The following GRID1 variants were observed in gnomAD, a reference collection of about 807,000 sequenced individuals.
GRID1 encodes glutamate ionotropic receptor delta type subunit 1, also known as glutamate receptor ionotropic, delta-1.
GRID1 carries 28 observed loss-of-function variants against 98.0 expected under a neutral mutation model. The observed-to-expected ratio is 0.29, with a 90% CI of 0.21 to 0.39. The LOEUF is 0.39. Among genes scored for constraint, GRID1 ranks in the 10% least tolerant of loss-of-function variants. The probability of loss-of-function intolerance (pLI) is 1.00; values close to 1 mark genes in which losing one functional copy is unlikely to be tolerated. For missense variants in GRID1, 1,111 were observed against 1,340.5 expected (o/e 0.83, Z 2.67); for synonymous variants, 553 against 538.5 (o/e 1.03, Z -0.37).
intron 4 of GRID1, among the ~76,000 whole-genome samples, chr10:86,110,484 G>A (rs1198461125): frequency 1.3e-5 from 2 of 152,184 alleles, no homozygotes; most frequent in Non-Finnish European, 2.9e-5. Context: ...TATTGAGAAG[G>A]AGGGCACCAT....
chr10:86,326,548 C>T (rs1848053488), intron 2 of GRID1, among the ~76,000 whole-genome samples: 1 of 152,178 alleles, frequency 6.6e-6, no homozygotes, highest in Non-Finnish European at 1.5e-5. Context: ...CTCAAATCGT[C>T]CATAAGACCA....
Position 86,087,514 on chromosome 10 carries a change from G to GTA in GRID1, c.726+51304_726+51305insTA, listed in dbSNP as rs1195820671. Among the ~76,000 whole-genome samples the GTA allele has an allele frequency of 2.2e-4, 33 of 150,414 alleles. 1 individual carries two copies. Among genetic ancestry groups the GTA allele is most frequent in the African/African-American group, 5.8e-4 (24 of 41,164 alleles). ...GATCCAAGTGTGTGTGTGTGTCTGT[G>GTA]TGTGTGTGTGTGTGTGTGTGTGTTT... On this transcript the variant is annotated intron_variant, in intron 4 of 15. Coordinates refer to ENST00000327946, the MANE Select transcript of GRID1 (RefSeq NM_017551.3).
intron 2 of GRID1, among the ~76,000 whole-genome samples, chr10:86,208,797 C>T (rs911372793): frequency 2.0e-5 from 3 of 152,280 alleles, no homozygotes; most frequent in South Asian, 2.1e-4. Context: ...AGTAAAGACT[C>T]GTGCAAGAAC....
At chr10:85,644,097 T>C (rs2132548885) in intron 13 of GRID1, 1 of 152,330 alleles carries the variant, frequency 6.6e-6, no homozygotes, top group East Asian at 1.9e-4. Context: ...AGCAGGCACA[T>C]GTCGCCTGCA....
chr10:86,225,874 G>T (rs1846333933), intron 2 of GRID1, among the ~76,000 whole-genome samples: 2 of 152,264 alleles, frequency 1.3e-5, no homozygotes, highest in Non-Finnish European at 2.9e-5. Flanking sequence ...TGTTATTACA[G>T]CAACCATGAC....
intron 8 of GRID1, among the ~76,000 whole-genome samples, chr10:85,803,772 AC>A (rs1842597841): frequency 6.6e-6 from 1 of 152,068 alleles, no homozygotes; most frequent in South Asian, 2.1e-4. Context: ...AAGCATCAAT[AC>A]ATAATAATCA....
chr10:86,181,688 C>T (rs900830815), intron 3 of GRID1, among the ~76,000 whole-genome samples: 10 of 152,154 alleles, frequency 6.6e-5, no homozygotes, highest in African/African-American at 2.4e-4. Flanking sequence ...ACATACTTTT[C>T]CATAACTATT....
At chr10:85,647,444 C>T in intron 12 of GRID1, 47 bp from the exon 13 acceptor site, 1 of 1,441,654 alleles carries the variant, frequency 6.9e-7, no homozygotes, top group South Asian at 1.2e-5. Flanking sequence ...CTGTGCATTG[C>T]ACACTGCAAG....
intron 2 of GRID1, among the ~76,000 whole-genome samples, chr10:86,309,821 T>C (rs901040891): frequency 1.3e-5 from 2 of 152,142 alleles, no homozygotes; most frequent in African/African-American, 4.8e-5. Flanking sequence ...TGTACTGAAG[T>C]CCCTCCTCCT....
chr10:85,673,676 T>A (rs1369420060), intron 12 of GRID1, among the ~76,000 whole-genome samples: 1 of 152,234 alleles, frequency 6.6e-6, no homozygotes, highest in Non-Finnish European at 1.5e-5. Flanking sequence ...TTTTTAGACA[T>A]AATGCTATTG....
intron 5 of GRID1, among the ~76,000 whole-genome samples, chr10:85,875,086 G>C (rs1399821406): frequency 6.6e-6 from 1 of 152,042 alleles, no homozygotes; most frequent in Non-Finnish European, 1.5e-5. Context: ...CACCATGTTG[G>C]TCAGGCTGGT....
intron 4 of GRID1, among the ~76,000 whole-genome samples, chr10:86,084,545 A>T (rs1202623209): frequency 6.6e-6 from 1 of 152,208 alleles, no homozygotes; most frequent in Non-Finnish European, 1.5e-5. Flanking sequence ...ATATACCCAA[A>T]ATAAGTGAAA....
intron 2 of GRID1, among the ~76,000 whole-genome samples, chr10:86,249,137 C>A (rs1846780342): frequency 1.3e-5 from 2 of 152,238 alleles, no homozygotes; most frequent in African/African-American, 4.8e-5. Flanking sequence ...CCCCTTCTGA[C>A]AGCCACGATG....
rs1302069140 is a variant in GRID1 at position 85,985,051 on chromosome 10, C to G, written c.727-68812G>C. On this transcript the variant is annotated intron_variant, in intron 4 of 15. Coordinates refer to ENST00000327946, the MANE Select transcript of GRID1 (RefSeq NM_017551.3). ...GGATTTTTAGCAGCATCTCTGGGCT[C>G]TACCCACTAGATGCCAGTAGCATCC... 3.3e-5 allele frequency among the ~76,000 whole-genome samples: 5 copies of G among 152,132 alleles called. No homozygotes were observed. In the East Asian group the frequency reaches 5.8e-4, roughly 18 times the overall value.
At chr10:86,205,274 G>T (rs1471864579) in intron 3 of GRID1, among the ~76,000 whole-genome samples, 1 of 152,180 alleles carries the variant, frequency 6.6e-6, no homozygotes, top group Non-Finnish European at 1.5e-5. Context: ...ACTTTTGAAG[G>T]TCCACCCATT....
At chr10:86,127,118 C>T (rs1257318125) in intron 4 of GRID1, among the ~76,000 whole-genome samples, 7 of 152,190 alleles carry the variant, frequency 4.6e-5, no homozygotes, top group Non-Finnish European at 8.8e-5. Flanking sequence ...CTATGCGGCC[C>T]CCTTCCCACC....
chr10:85,949,181 C>T (rs752320293), intron 4 of GRID1, among the ~76,000 whole-genome samples: 9 of 152,118 alleles, frequency 5.9e-5, no homozygotes, highest in Admixed American at 1.3e-4. Context: ...TTGGTTTTTA[C>T]ATTTTTATAA....
Position 86,246,355 on chromosome 10 carries a change from G to A in GRID1, c.236-39707C>T, listed in dbSNP as rs971869288. Among the ~76,000 whole-genome samples, 5 of 152,184 alleles carry A rather than the reference G, an allele frequency of 3.3e-5. No homozygotes were observed. In the South Asian group the frequency reaches 8.3e-4, roughly 25 times the overall value. ...CTGTGTGGACACTTCTCGCTCTCCC[G>A]TGGCCTCTCTCTGAGGACAGCCTGG... On this transcript the variant is annotated intron_variant, in intron 2 of 15. Coordinates refer to ENST00000327946, the MANE Select transcript of GRID1 (RefSeq NM_017551.3).
chr10:85,628,285 T>C (rs900296076), intron 13 of GRID1, among the ~76,000 whole-genome samples: 4 of 151,876 alleles, frequency 2.6e-5, no homozygotes, highest in Admixed American at 2.0e-4. Flanking sequence ...TATGTGAGGA[T>C]GTGAGAATTA....
Sources: gnomAD v4.1 joint callset for allele counts (sites outside exome capture counted in the v4.1 genomes callset) on GRCh38, gnomAD v4.1.1 for gene constraint, MANE v1.5 for transcripts, NCBI Gene and HGNC (gene_info 2026-07-23, HGNC 2026-07-21) for gene names.